The following SP3 variants were observed in gnomAD, a reference collection of about 807,000 sequenced individuals.
SP3 encodes the protein Sp3 transcription factor, also known as transcription factor Sp3.
In SP3, 10 loss-of-function variants were observed where a neutral mutation model predicts 70.3. That is an observed-to-expected ratio of 0.14 (90% CI 0.09 to 0.24). The LOEUF (loss-of-function observed/expected upper bound fraction) is 0.24, where lower values mean the gene tolerates loss of function less well. Among genes scored for constraint, SP3 ranks in the 10% least tolerant of loss-of-function variants. The pLI, the probability that SP3 is intolerant of heterozygous loss-of-function variation, is 1.00. For synonymous variants in SP3, 402 were observed against 333.5 expected, an observed-to-expected ratio of 1.21 and a Z score of -2.24; for missense variants, 825 against 914.6, an observed-to-expected ratio of 0.90 and a Z score of 1.26.
chr2:173,964,359 A>G, intron 2 of SP3, 46 bp downstream of exon 2: 1 of 627,250 alleles, frequency 1.6e-6, no homozygotes, highest in Non-Finnish European at 2.9e-6. Flanking sequence ...GGGGAGGAGA[A>G]AGCGGCGCGA....
rs765278428 is a variant in SP3 at position 173,910,017 on chromosome 2, C to T, written c.2270G>A (p.Ser757Asn). The T allele has an allele frequency of 1.2e-6, 2 of 1,613,696 alleles. No individual in the cohort carries two copies. The highest frequency in any genetic ancestry group is 1.7e-6 in the Non-Finnish European group (2 of 1,179,832). The stretch of plus-strand genomic sequence containing the variant: ...AGTGTTGGTAAGGATATCTTGATTG[C>T]TGGTGGCGGAAGTATTAACAGTTCC... ...GIGTVNTSAT[S>N]NQDILTNTEI... is the part of the protein sequence containing the mutation. The change falls in exon 7 of 7, where the codon AGC (serine) becomes AAC (asparagine). Residue 757 changes from serine (S) to asparagine (N), a missense_variant. Ser to Asn is a conservative substitution (Grantham distance 46). Transcript: ENST00000310015.
At chr2:173,963,553 G>A (rs910316908) in intron 3 of SP3, among the ~76,000 whole-genome samples, 1 of 152,150 alleles carries the variant, frequency 6.6e-6, no homozygotes, top group Non-Finnish European at 1.5e-5. Flanking sequence ...TTTGCGCGAG[G>A]TGCTGCAGTG....
intron 4 of SP3, among the ~76,000 whole-genome samples, chr2:173,923,812 T>G (rs1488600572): frequency 2.6e-5 from 4 of 151,918 alleles, no homozygotes; most frequent in Non-Finnish European, 4.4e-5. Context: ...TTTATTTACA[T>G]TTTCCCTTTA....
intron 4 of SP3, among the ~76,000 whole-genome samples, chr2:173,934,953 A>G (rs1690170484): frequency 1.3e-5 from 2 of 152,348 alleles, no homozygotes; most frequent in African/African-American, 4.8e-5. Context: ...TAAGTGGTAG[A>G]AAATAAAAAA....
rs1222114561 is a variant in SP3 at position 173,905,627 on chromosome 2, AT to A, written c.*4313del. Among the ~76,000 whole-genome samples, 1 of 152,208 alleles carries A rather than the reference AT, an allele frequency of 6.6e-6. No individual in the cohort carries two copies. Among genetic ancestry groups the A allele is most frequent in the Non-Finnish European group, 1.5e-5 (1 of 68,038 alleles). Reference sequence around the variant, plus strand: ...AATATACATGACACCTTTTTAAAAAATATATTCATATCATGAAGACTTTATA... The same window carrying A: ...AATATACATGACACCTTTTTAAAAAAATATTCATATCATGAAGACTTTATA... On this transcript the variant is annotated 3_prime_UTR_variant, in exon 7 of 7. Coordinates refer to ENST00000310015, the MANE Select transcript of SP3 (RefSeq NM_003111.5).
At chr2:173,936,939 C>CTACACAGT (rs1574411998) in intron 4 of SP3, among the ~76,000 whole-genome samples, 2 of 152,074 alleles carry the variant, frequency 1.3e-5, no homozygotes, top group East Asian at 3.9e-4. Context: ...CTCTGAACTT[C>CTACACAGT]TACACAGTTA....
At chr2:173,947,826 C>T (rs1690589833) in intron 4 of SP3, among the ~76,000 whole-genome samples, 1 of 152,096 alleles carries the variant, frequency 6.6e-6, no homozygotes. Context: ...TTGGGTCTGG[C>T]ATTTCTGCAA....
intron 4 of SP3, among the ~76,000 whole-genome samples, chr2:173,927,234 A>G (rs1021505572): frequency 6.6e-6 from 1 of 151,746 alleles, no homozygotes; most frequent in African/African-American, 2.4e-5. Flanking sequence ...ACAATTGAAC[A>G]TGAGATTTGG....
At chr2:173,929,110 T>C (rs760171136) in intron 4 of SP3, among the ~76,000 whole-genome samples, 2 of 152,188 alleles carry the variant, frequency 1.3e-5, no homozygotes, top group African/African-American at 2.4e-5. Context: ...CTCCACTTGA[T>C]ACATGCTTCC....
intron 3 of SP3, among the ~76,000 whole-genome samples, chr2:173,959,016 G>A (rs72913025): frequency 6.6e-6 from 1 of 152,064 alleles, no homozygotes; most frequent in Non-Finnish European, 1.5e-5. Flanking sequence ...AATTAGCCTA[G>A]CACAATTCCT....
chr2:173,911,182 A>G (rs1283792636), intron 6 of SP3, among the ~76,000 whole-genome samples: 1 of 152,136 alleles, frequency 6.6e-6, no homozygotes. Context: ...TATCTTCCTT[A>G]AAGACCAAAT....
chr2:173,944,206 T>C (rs191549250), intron 4 of SP3, among the ~76,000 whole-genome samples: 4 of 152,238 alleles, frequency 2.6e-5, no homozygotes, highest in Admixed American at 2.6e-4. Flanking sequence ...ATGAGATTTA[T>C]GAAAACAACG....
At chr2:173,912,663 A>G (rs971167678) in intron 6 of SP3, among the ~76,000 whole-genome samples, 3 of 152,224 alleles carry the variant, frequency 2.0e-5, no homozygotes, top group African/African-American at 7.2e-5. Flanking sequence ...ACTAAAAACA[A>G]AAGAAAAGGT....
intron 4 of SP3, among the ~76,000 whole-genome samples, chr2:173,923,938 C>G (rs1478561686): frequency 1.3e-5 from 2 of 151,852 alleles, no homozygotes; most frequent in Non-Finnish European, 2.9e-5. Context: ...TCAGAGGTAC[C>G]AAGTTTTTTT....
chr2:173,931,473 A>G (rs1000248411), intron 4 of SP3, among the ~76,000 whole-genome samples: 3 of 152,110 alleles, frequency 2.0e-5, no homozygotes, highest in African/African-American at 7.2e-5. Context: ...CCTCCCGAGT[A>G]GCTAGGACTA....
chr2:173,961,935 GT>G (rs536537799), intron 3 of SP3, among the ~76,000 whole-genome samples: 6,140 of 81,096 alleles, frequency 0.076, 240 homozygotes, highest in Admixed American at 0.18. Context: ...TATGGTTTGG[GT>G]TTTTTTTTTT....
intron 3 of SP3, among the ~76,000 whole-genome samples, chr2:173,956,720 G>C (rs1464250482): frequency 1.3e-5 from 2 of 152,208 alleles, no homozygotes; most frequent in East Asian, 3.9e-4. Context: ...TAAACTCATG[G>C]CTAGGGCTAT....
intron 2 of SP3, 21 bp from the exon 3 acceptor site, chr2:173,963,904 C>G: frequency 6.8e-7 from 1 of 1,459,958 alleles, no homozygotes; most frequent in Non-Finnish European, 9.1e-7. Context: ...TGGGCGGGTT[C>G]AGAGAGGGAG....
intron 3 of SP3, among the ~76,000 whole-genome samples, chr2:173,960,437 G>C (rs894473490): frequency 6.6e-6 from 1 of 152,102 alleles, no homozygotes; most frequent in East Asian, 1.9e-4. Context: ...TAAGAACTTA[G>C]GCAAATATTC....
Sources: gnomAD v4.1 joint callset for allele counts (sites outside exome capture counted in the v4.1 genomes callset) on GRCh38, gnomAD v4.1.1 for gene constraint, MANE v1.5 for transcripts, NCBI Gene and HGNC (gene_info 2026-07-23, HGNC 2026-07-21) for gene names.